Variants in NKAIN2 observed in about 807,000 individuals in gnomAD.
NKAIN2 encodes sodium/potassium transporting ATPase interacting 2, also known as sodium/potassium-transporting ATPase subunit beta-1-interacting protein 2.
In NKAIN2, 14 loss-of-function variants were observed where a neutral mutation model predicts 32.6. The observed-to-expected ratio is 0.43, with a 90% CI of 0.28 to 0.67. The LOEUF (loss-of-function observed/expected upper bound fraction) is 0.67, where lower values mean the gene tolerates loss of function less well. Ranked by LOEUF, NKAIN2 falls within the 30% of genes least tolerant of loss-of-function variation. The pLI is 0.17. For synonymous variants in NKAIN2, 80 were observed against 87.2 expected (o/e 0.92, Z 0.46); for missense variants, 198 against 258.3 (o/e 0.77, Z 1.60).
At chr6:124,301,200 C>T (rs1462024102) in intron 2 of NKAIN2, among the ~76,000 whole-genome samples, 1 of 152,182 alleles carries the variant, frequency 6.6e-6, no homozygotes, top group Non-Finnish European at 1.5e-5. Flanking sequence ...ACAGCTCGGG[C>T]CATGGCTTCA....
At chr6:124,810,497 C>A (rs540657392) in intron 5 of NKAIN2, among the ~76,000 whole-genome samples, 5 of 151,604 alleles carry the variant, frequency 3.3e-5, no homozygotes, top group African/African-American at 7.3e-5. Flanking sequence ...GTGGGGGGAG[C>A]GGGAAGGGAT....
intron 3 of NKAIN2, among the ~76,000 whole-genome samples, chr6:124,456,483 T>C (rs1476184552): frequency 2.6e-5 from 4 of 151,982 alleles, no homozygotes; most frequent in Non-Finnish European, 5.9e-5. Flanking sequence ...CGTTCCTTTG[T>C]TCATTTGCCA....
rs979198033 is a variant in NKAIN2, at chr6:124,618,851, A to G, written c.274-39335A>G. Among the ~76,000 whole-genome samples, 16 of 152,202 alleles carry G rather than the reference A, an allele frequency of 1.1e-4. 1 individual carries two copies. Among genetic ancestry groups the G allele is most frequent in the South Asian group, 8.3e-4 (4 of 4,832 alleles). On this transcript the variant is annotated intron_variant, in intron 3 of 6. Transcript: ENST00000368417. ...TTAAATATGGAAGGAGGCAGACATA[A>G]AAGAGGTTCATATGTTATATTCACA...
intron 3 of NKAIN2, among the ~76,000 whole-genome samples, chr6:124,508,059 C>T (rs745743076): frequency 6.7e-6 from 1 of 149,974 alleles, no homozygotes; most frequent in Non-Finnish European, 1.5e-5. Flanking sequence ...TTGAGACCAG[C>T]CTGGGCAATA....
intron 3 of NKAIN2, among the ~76,000 whole-genome samples, chr6:124,531,549 G>C (rs1287569913): frequency 6.6e-6 from 1 of 152,150 alleles, no homozygotes; most frequent in African/African-American, 2.4e-5. Flanking sequence ...TCAGAGTAAT[G>C]CTGGCCTTGT....
intron 4 of NKAIN2, among the ~76,000 whole-genome samples, chr6:124,693,536 G>A (rs770941621): frequency 1.3e-5 from 2 of 152,082 alleles, no homozygotes; most frequent in African/African-American, 4.8e-5. Flanking sequence ...TAGTGTTATC[G>A]AAAAAAGCCC....
At chr6:124,687,219 T>C (rs1360363599) in intron 4 of NKAIN2, among the ~76,000 whole-genome samples, 1 of 146,248 alleles carries the variant, frequency 6.8e-6, no homozygotes, top group Non-Finnish European at 1.5e-5. Flanking sequence ...TGTGTATATA[T>C]GTGGAATATA....
intron 1 of NKAIN2, among the ~76,000 whole-genome samples, chr6:124,058,856 C>T (rs1480797038): frequency 1.1e-4 from 17 of 152,026 alleles, no homozygotes; most frequent in Admixed American, 7.2e-4. Flanking sequence ...TTCTTGCTAC[C>T]GTGGCGAAGT....
chr6:124,712,005 T>G (rs2114607357), intron 4 of NKAIN2, among the ~76,000 whole-genome samples: 1 of 152,196 alleles, frequency 6.6e-6, no homozygotes, highest in East Asian at 1.9e-4. Context: ...TTGGTGTGGA[T>G]GTTCTTTCTG....
intron 1 of NKAIN2, among the ~76,000 whole-genome samples, chr6:123,830,995 T>C (rs924746733): frequency 6.6e-6 from 1 of 152,228 alleles, no homozygotes; most frequent in Non-Finnish European, 1.5e-5. Flanking sequence ...AGCTATCGGC[T>C]TTTGTAAGTT....
intron 6 of NKAIN2, among the ~76,000 whole-genome samples, chr6:124,820,390 T>C (rs1338986458): frequency 2.6e-5 from 4 of 152,178 alleles, no homozygotes; most frequent in Non-Finnish European, 5.9e-5. Context: ...AAAATAGAGA[T>C]CGCATACAGA....
chr6:123,842,033 C>T (rs1774893703), intron 1 of NKAIN2, among the ~76,000 whole-genome samples: 1 of 152,064 alleles, frequency 6.6e-6, no homozygotes, highest in South Asian at 2.1e-4. Context: ...GTTAATTAGC[C>T]CATTGTGATT....
rs560742080 is a variant in NKAIN2 at position 123,868,332 on chromosome 6, A to G, written c.54+64078A>G. Among the ~76,000 whole-genome samples the G allele has an allele frequency of 2.6e-4, 40 of 152,340 alleles. 1 individual carries two copies. The South Asian group carries it at 6.8e-3, about 26-fold the overall frequency. ...CAAAAGAATTTGAAGTAAAATGACC[A>G]AATAAATTAATGAAAGGCTGGGACA... is the stretch of plus-strand genomic sequence containing the variant. On this transcript the variant is annotated intron_variant, in intron 1 of 6. Coordinates refer to ENST00000368417, the MANE Select transcript of NKAIN2 (RefSeq NM_001040214.3).
chr6:124,385,122 C>T (rs192009243), intron 3 of NKAIN2, among the ~76,000 whole-genome samples: 114 of 152,226 alleles, frequency 7.5e-4, no homozygotes, highest in African/African-American at 2.6e-3. Context: ...CCAAAAGTCT[C>T]GCCAAGTTAA....
intron 1 of NKAIN2, among the ~76,000 whole-genome samples, chr6:124,184,843 T>C (rs1010042959): frequency 1.3e-5 from 2 of 152,168 alleles, no homozygotes; most frequent in Non-Finnish European, 2.9e-5. Context: ...TTGCATTTTT[T>C]TTCAGCAACT....
chr6:124,717,121 G>C (rs1009776022), intron 4 of NKAIN2, among the ~76,000 whole-genome samples: 2 of 152,158 alleles, frequency 1.3e-5, no homozygotes, highest in African/African-American at 4.8e-5. Context: ...GCCCCACCTT[G>C]ACACTTTCTC....
At chr6:123,944,103 A>G (rs1423864664) in intron 1 of NKAIN2, among the ~76,000 whole-genome samples, 1 of 152,032 alleles carries the variant, frequency 6.6e-6, no homozygotes, top group Non-Finnish European at 1.5e-5. Flanking sequence ...AAGGAAGGAA[A>G]AAAGACATGT....
At chr6:124,745,934 A>G (rs536556823) in intron 4 of NKAIN2, among the ~76,000 whole-genome samples, 2 of 152,052 alleles carry the variant, frequency 1.3e-5, no homozygotes, top group Non-Finnish European at 2.9e-5. Context: ...CTGAATGTCA[A>G]AGGCCAGAAA....
intron 3 of NKAIN2, among the ~76,000 whole-genome samples, chr6:124,530,580 T>C (rs1038299871): frequency 6.6e-6 from 1 of 152,150 alleles, no homozygotes; most frequent in Non-Finnish European, 1.5e-5. Context: ...CAACTGTGTG[T>C]AGACATATAA....
Sources: gnomAD v4.1 joint callset for allele counts (sites outside exome capture counted in the v4.1 genomes callset) on GRCh38, gnomAD v4.1.1 for gene constraint, MANE v1.5 for transcripts, NCBI Gene and HGNC (gene_info 2026-07-23, HGNC 2026-07-21) for gene names.